The following TMEM143 variants were observed in gnomAD, a reference collection of about 807,000 sequenced individuals.
The protein encoded by TMEM143 is transmembrane protein 143.
Under a neutral mutation model 40.3 loss-of-function variants are expected in TMEM143, and 45 were observed. The ratio of observed to expected loss-of-function variants is 1.12; its 90% confidence interval spans 0.88 to 1.43. TMEM143 has a LOEUF of 1.43. Ranked by LOEUF, TMEM143 falls within the 40% of genes most tolerant of loss-of-function variation. TMEM143 has a pLI of 0.00. For missense variants in TMEM143, 620 were observed against 613.4 expected (o/e 1.01, Z -0.11); for synonymous variants, 299 against 282.7 (o/e 1.06, Z -0.58).
chr19:48,363,225 C>T (rs3826824), intron 2 of TMEM143, 66 bp downstream of exon 2: 206,812 of 1,540,416 alleles, frequency 0.13, 15,147 homozygotes, highest in East Asian at 0.21. Context: ...GCAACTAGGG[C>T]CCTGCCGCCG....
chr19:48,350,919 CAAAAAAAAA>C (rs71181680), intron 3 of TMEM143, among the ~76,000 whole-genome samples: 7 of 88,258 alleles, frequency 7.9e-5, no homozygotes, highest in Middle Eastern at 0.014. Context: ...GACTACATCT[CAAAAAAAAA>C]AAAAAAAAAA....
intron 3 of TMEM143, among the ~76,000 whole-genome samples, chr19:48,355,772 T>C (rs1600921730): frequency 1.3e-5 from 2 of 152,244 alleles, no homozygotes; most frequent in South Asian, 2.1e-4. Context: ...GCCCTTGGAA[T>C]GTCCTGACTG....
intron 3 of TMEM143, among the ~76,000 whole-genome samples, chr19:48,356,999 G>C (rs1969918654): frequency 7.0e-6 from 1 of 142,156 alleles, no homozygotes; most frequent in South Asian, 2.3e-4. Flanking sequence ...CCGCCACCTG[G>C]GTTCAAGCGA....
chr19:48,342,818 C>A lies in TMEM143; in HGVS notation c.696-9G>T. 1.3e-6 allele frequency: 2 copies of A among 1,589,584 alleles called. No homozygotes were observed. The highest frequency in any genetic ancestry group is 8.6e-7 in the Non-Finnish European group (1 of 1,162,910). On this transcript the variant is annotated splice_polypyrimidine_tract_variant and intron_variant, in intron 5 of 7. Transcript: ENST00000293261. ...CCCGCTTAAAGTATCTCCTGAGGGA[C>A]AGAGACAGAGGCAGGAGCAGGATCG...
intron 3 of TMEM143, among the ~76,000 whole-genome samples, chr19:48,350,919 CAAAAAAAAAAA>C (rs71181680): frequency 6.8e-5 from 6 of 88,242 alleles, no homozygotes; most frequent in Non-Finnish European, 9.0e-5. Flanking sequence ...GACTACATCT[CAAAAAAAAAAA>C]AAAAAAAAAA....
chr19:48,351,064 C>G (rs1012177040), intron 3 of TMEM143, among the ~76,000 whole-genome samples: 1 of 152,064 alleles, frequency 6.6e-6, no homozygotes, highest in Non-Finnish European at 1.5e-5. Context: ...CATCTGCAGT[C>G]CAGATATCTC....
intron 1 of TMEM143, 140 bp from the exon 2 acceptor site, chr19:48,363,671 G>A (rs1442896749): frequency 2.8e-6 from 4 of 1,405,820 alleles, no homozygotes; most frequent in Admixed American, 2.7e-5. Flanking sequence ...AGCCCCTGTT[G>A]CCTGTCCCCT....
intron 3 of TMEM143, among the ~76,000 whole-genome samples, chr19:48,352,106 G>A (rs1416329532): frequency 6.6e-6 from 1 of 151,538 alleles, no homozygotes; most frequent in Non-Finnish European, 1.5e-5. Flanking sequence ...AATTAGCTGA[G>A]CGCGGTGGTG....
intron 5 of TMEM143, 74 bp from the exon 6 acceptor site, chr19:48,342,883 G>A (rs1261874444): frequency 2.0e-6 from 3 of 1,475,848 alleles, no homozygotes; most frequent in East Asian, 2.4e-5. Flanking sequence ...ATCCTAGGAC[G>A]CTCACTCTGG....
intron 3 of TMEM143, among the ~76,000 whole-genome samples, chr19:48,350,646 G>C (rs1373142317): frequency 6.6e-6 from 1 of 152,086 alleles, no homozygotes; most frequent in Admixed American, 6.6e-5. Flanking sequence ...TTGGTGCCGG[G>C]CACAGTGGCT....
Position 48,343,387 on chromosome 19 carries a change from T to C in TMEM143, c.629A>G (p.Gln210Arg), listed in dbSNP as rs1969553319. 1 of 1,604,968 alleles carries C rather than the reference T, an allele frequency of 6.2e-7. No individual in the cohort carries two copies. The highest frequency in any genetic ancestry group is 1.7e-5 in the Admixed American group (1 of 58,744). ...GCCCACGCTGGACTTCAGGGGCATC[T>C]GCCCGACTCGCTGGCCCAGGGCCCA... The part of the protein sequence containing the change: ...HFWALGQRVG[Q>R]MPLKSSVGSR... The change falls in exon 5 of 8, where the codon CAG (glutamine) becomes CGG (arginine). Residue 210 changes from glutamine (Q) to arginine (R), a missense_variant. Coordinates refer to ENST00000293261, the MANE Select transcript of TMEM143 (RefSeq NM_018273.4).
rs181405752 is a variant in TMEM143 at position 48,345,639 on chromosome 19, T to A, written c.370-285A>T. On this transcript the variant is annotated intron_variant, in intron 3 of 7. Coordinates refer to ENST00000293261, the MANE Select transcript of TMEM143 (RefSeq NM_018273.4). ...ATGCCCGGGTAATATATATATATATTTTTTGTATTTTAATAGAGATGAGGT... is the reference window on the plus strand; with the variant it reads ...ATGCCCGGGTAATATATATATATATATTTTGTATTTTAATAGAGATGAGGT... Among the ~76,000 whole-genome samples, 134 of 141,114 alleles carry A rather than the reference T, an allele frequency of 9.5e-4. No individual in the cohort carries two copies. The Middle Eastern group carries it at 0.013, about 13-fold the overall frequency. The allele number at this position is 141,114 out of a possible 152,430, so 92.6% of individuals were successfully genotyped here.
intron 2 of TMEM143, chr19:48,360,473 G>A (rs1338764925): frequency 3.2e-6 from 1 of 314,114 alleles, no homozygotes; most frequent in Non-Finnish European, 6.0e-6. Context: ...AGCTACTCAG[G>A]AGGCTGAAGC....
chr19:48,346,540 G>T (rs1355797608), intron 3 of TMEM143, among the ~76,000 whole-genome samples: 1 of 151,936 alleles, frequency 6.6e-6, no homozygotes, highest in African/African-American at 2.4e-5. Flanking sequence ...ATTATGTAGG[G>T]CTTCTGTTCC....
intron 2 of TMEM143, among the ~76,000 whole-genome samples, chr19:48,361,532 CTTCT>C (rs1477631771): frequency 8.5e-5 from 6 of 71,004 alleles, no homozygotes; most frequent in African/African-American, 2.5e-4. Context: ...ACCACTTCTT[CTTCT>C]TTTTTTTTTT....
intron 3 of TMEM143, among the ~76,000 whole-genome samples, chr19:48,351,924 C>A (rs1055137551): frequency 6.6e-6 from 1 of 152,002 alleles, no homozygotes; most frequent in African/African-American, 2.4e-5. Flanking sequence ...GATACCCAAA[C>A]CTACAGATGC....
At chr19:48,338,951 C>A (rs764503525) in intron 6 of TMEM143, among the ~76,000 whole-genome samples, 8 of 152,294 alleles carry the variant, frequency 5.3e-5, no homozygotes, top group African/African-American at 1.7e-4. Flanking sequence ...TCCAAGGGAA[C>A]AGCACAGGCA....
intron 2 of TMEM143, 139 bp from the exon 3 acceptor site, chr19:48,360,315 G>A (rs556596301): frequency 7.5e-5 from 60 of 804,264 alleles, no homozygotes; most frequent in African/African-American, 5.5e-4. Flanking sequence ...GCAGTGTCTC[G>A]CACCTGTAAT....
At chr19:48,342,913 T>A in intron 5 of TMEM143, 104 bp from the exon 6 acceptor site, 17 of 1,312,388 alleles carry the variant, frequency 1.3e-5, no homozygotes, top group Non-Finnish European at 1.5e-5. Flanking sequence ...CGCACAACCA[T>A]CTTAAAAGCG....
Sources: gnomAD v4.1 joint callset for allele counts (sites outside exome capture counted in the v4.1 genomes callset) on GRCh38, gnomAD v4.1.1 for gene constraint, MANE v1.5 for transcripts, NCBI Gene and HGNC (gene_info 2026-07-23, HGNC 2026-07-21) for gene names.